The following TRIQK variants were observed in gnomAD, a reference collection of about 807,000 sequenced individuals.
TRIQK encodes triple QxxK/R motif-containing protein.
TRIQK carries 10 observed loss-of-function variants against 10.8 expected under a neutral mutation model. The observed-to-expected ratio is 0.92, with a 90% CI of 0.57 to 1.57. The LOEUF (loss-of-function observed/expected upper bound fraction) is 1.57. Among genes scored for constraint, TRIQK ranks in the 40% most tolerant of loss-of-function variants. TRIQK has a pLI of 0.00. For synonymous variants in TRIQK, 33 were observed against 33.7 expected, an observed-to-expected ratio of 0.98 and a Z score of 0.07; for missense variants, 107 against 97.7, an observed-to-expected ratio of 1.09 and a Z score of -0.40.
chr8:92,906,766 G>A (rs899564808), intron 3 of TRIQK, among the ~76,000 whole-genome samples: 2 of 151,176 alleles, frequency 1.3e-5, no homozygotes, highest in African/African-American at 2.4e-5. Context: ...GGTGGCAGGC[G>A]CCTGTGGTCC....
intron 2 of TRIQK, among the ~76,000 whole-genome samples, chr8:92,946,829 C>G (rs909639655): frequency 1.3e-5 from 2 of 150,844 alleles, no homozygotes; most frequent in African/African-American, 4.9e-5. Context: ...GGTGCAATCT[C>G]GGCTCACTGC....
In TRIQK at chr8:92,955,968, T is replaced by G. The variant is rs1210584216; in HGVS notation, c.-180-1404A>C. ...AATCTTCATACATTGCTGGTAGAAATGTAAAATGTTACAGCCACACTTTGA... is the reference window on the plus strand; with the variant it reads ...AATCTTCATACATTGCTGGTAGAAAGGTAAAATGTTACAGCCACACTTTGA... On this transcript the variant is annotated intron_variant, in intron 1 of 4. Coordinates refer to ENST00000521988, the MANE Select transcript of TRIQK (RefSeq NM_001171797.2). Among the ~76,000 whole-genome samples the G allele has an allele frequency of 1.3e-5, 2 of 151,728 alleles. 1 individual carries two copies. Among genetic ancestry groups the G allele is most frequent in the South Asian group, 4.1e-4 (2 of 4,834 alleles).
intron 3 of TRIQK, among the ~76,000 whole-genome samples, chr8:92,906,955 T>C (rs1332819806): frequency 6.6e-6 from 1 of 151,976 alleles, no homozygotes; most frequent in Non-Finnish European, 1.5e-5. Context: ...TTGGGATATA[T>C]GTTTGGGTAG....
At chr8:92,971,753 T>C (rs1812879132) in intron 1 of TRIQK, among the ~76,000 whole-genome samples, 1 of 152,174 alleles carries the variant, frequency 6.6e-6, no homozygotes, top group Non-Finnish European at 1.5e-5. Context: ...ATGCTATTCC[T>C]ATTAAACTAC....
chr8:93,002,034 A>G (rs577917809), intron 1 of TRIQK, among the ~76,000 whole-genome samples: 8 of 151,924 alleles, frequency 5.3e-5, no homozygotes, highest in African/African-American at 1.7e-4. Flanking sequence ...CAAGGAGTCA[A>G]TGAAGAAATT....
At chr8:92,895,593 A>G (rs952005381) in intron 3 of TRIQK, among the ~76,000 whole-genome samples, 17 of 152,176 alleles carry the variant, frequency 1.1e-4, no homozygotes, top group African/African-American at 3.9e-4. Flanking sequence ...CATGAAAAGT[A>G]AAGGCCATTT....
At chr8:92,985,975 A>G (rs1813027432) in intron 1 of TRIQK, among the ~76,000 whole-genome samples, 1 of 152,180 alleles carries the variant, frequency 6.6e-6, no homozygotes, top group Non-Finnish European at 1.5e-5. Flanking sequence ...TGTTAAGGGT[A>G]CCAGATACTT....
Position 92,884,089 on chromosome 8 carries a change from A to T in TRIQK, c.*2533T>A, listed in dbSNP as rs1816344188. ...TTCTAACACTTAAAAAATCATTACA[A>T]TTTTTTCTGTTTTTGTCTTCTAAAT... is the stretch of plus-strand genomic sequence containing the variant. On this transcript the variant is annotated 3_prime_UTR_variant, in exon 5 of 5. Transcript: ENST00000521988. 6.6e-6 allele frequency: 1 copy of T among 151,552 alleles called. No individual in the cohort carries two copies. The highest frequency in any genetic ancestry group is 6.6e-5 in the Admixed American group (1 of 15,150). The allele number at this position is 151,552 out of a possible 1,614,324, so 9.4% of individuals were successfully genotyped here.
At chr8:93,007,728 G>A (rs1813288885) in intron 1 of TRIQK, among the ~76,000 whole-genome samples, 1 of 152,178 alleles carries the variant, frequency 6.6e-6, no homozygotes, top group African/African-American at 2.4e-5. Context: ...ACTTCACAAT[G>A]CAAAGACAAG....
chr8:93,008,652 A>G (rs1813298039), intron 1 of TRIQK, among the ~76,000 whole-genome samples: 1 of 152,242 alleles, frequency 6.6e-6, no homozygotes, highest in South Asian at 2.1e-4. Flanking sequence ...GACCAGTGGA[A>G]AAGATTAAAC....
chr8:92,960,964 C>G (rs1812430317), intron 1 of TRIQK, among the ~76,000 whole-genome samples: 1 of 152,192 alleles, frequency 6.6e-6, no homozygotes, highest in Non-Finnish European at 1.5e-5. Flanking sequence ...ACTATCTTCT[C>G]TCTGACACTT....
intron 1 of TRIQK, among the ~76,000 whole-genome samples, chr8:93,000,189 A>AAAAAT (rs1813194333): frequency 1.3e-5 from 2 of 152,208 alleles, no homozygotes; most frequent in African/African-American, 4.8e-5. Flanking sequence ...GATAACTTTC[A>AAAAAT]ACTTTCTAGT....
At chr8:92,996,523 A>C (rs892726983) in intron 1 of TRIQK, among the ~76,000 whole-genome samples, 4 of 152,026 alleles carry the variant, frequency 2.6e-5, no homozygotes, top group Admixed American at 2.0e-4. Context: ...ATGTGAATTG[A>C]ATAGTTGTTA....
chr8:92,980,452 G>A (rs963850161), intron 1 of TRIQK, among the ~76,000 whole-genome samples: 1 of 151,832 alleles, frequency 6.6e-6, no homozygotes, highest in African/African-American at 2.4e-5. Flanking sequence ...AAATGAGTTA[G>A]GTAGCTTCAT....
At chr8:92,987,084 A>G (rs942702356) in intron 1 of TRIQK, among the ~76,000 whole-genome samples, 1 of 152,156 alleles carries the variant, frequency 6.6e-6, no homozygotes, top group African/African-American at 2.4e-5. Context: ...AGAATTTTTC[A>G]TTTCTTATAA....
At chr8:92,946,914 C>A (rs1189252215) in intron 2 of TRIQK, among the ~76,000 whole-genome samples, 2 of 151,916 alleles carry the variant, frequency 1.3e-5, no homozygotes, top group Non-Finnish European at 2.9e-5. Flanking sequence ...CGCCTGCCAC[C>A]ACGCCTGGCT....
chr8:92,996,896 T>A (rs989695846), intron 1 of TRIQK, among the ~76,000 whole-genome samples: 2 of 151,592 alleles, frequency 1.3e-5, no homozygotes, highest in Non-Finnish European at 2.9e-5. Context: ...CAGAAAAAAG[T>A]GTTGGTGGAG....
At chr8:92,994,281 C>T (rs531989816) in intron 1 of TRIQK, among the ~76,000 whole-genome samples, 1 of 152,036 alleles carries the variant, frequency 6.6e-6, no homozygotes, top group Non-Finnish European at 1.5e-5. Context: ...TTAAATTCCA[C>T]CTTCTATATT....
Position 92,985,244 on chromosome 8 carries a change from G to A in TRIQK, c.-180-30680C>T, listed in dbSNP as rs940044232. ...TCTGTGTGTGTGTGTGTGTGTGCAC[G>A]CGCACGCATGCACATGCACATGCAC... On this transcript the variant is annotated intron_variant, in intron 1 of 4. Coordinates refer to the TRIQK transcript ENST00000520686. Among the ~76,000 whole-genome samples the A allele has an allele frequency of 5.9e-5, 9 of 152,206 alleles. 1 individual carries two copies. The highest frequency in any genetic ancestry group is 2.0e-4 in the Admixed American group (3 of 15,294).
Sources: allele counts gnomAD v4.1 joint callset (sites outside exome capture counted in the v4.1 genomes callset), GRCh38; gene constraint gnomAD v4.1.1; transcripts MANE v1.5; gene names NCBI Gene and HGNC (gene_info 2026-07-23, HGNC 2026-07-21).